SIGLEC1: variants seen among roughly 807,000 people sequenced by gnomAD.
SIGLEC1 encodes sialoadhesin.
A neutral mutation model predicts 148.0 loss-of-function variants in SIGLEC1; 132 were observed. The observed-to-expected ratio is 0.89, with a 90% confidence interval of 0.77 to 1.03. The LOEUF is 1.03. Ranked by LOEUF, SIGLEC1 falls within the 50% of genes least tolerant of loss-of-function variation. The pLI is 0.00. For missense variants in SIGLEC1, 2,253 were observed against 2,271.4 expected, an observed-to-expected ratio of 0.99 and a Z score of 0.16; for synonymous variants, 945 against 969.0, an observed-to-expected ratio of 0.98 and a Z score of 0.46.
At chr20:3,699,007 T>G (rs2087827426) in intron 8 of SIGLEC1, among the ~76,000 whole-genome samples, 195 bp downstream of exon 8, 1 of 152,044 alleles carries the variant, frequency 6.6e-6, no homozygotes, top group Non-Finnish European at 1.5e-5. Flanking sequence ...GGTAAAGACA[T>G]GGGGAGGTAG....
intron 8 of SIGLEC1, 113 bp downstream of exon 8, chr20:3,699,089 C>T (rs75586311): frequency 0.064 from 83,033 of 1,291,126 alleles, 3,114 homozygotes; most frequent in East Asian, 0.12. Flanking sequence ...GTCTGTGACC[C>T]AGCCCTCCCG....
rs868571086 is a variant in SIGLEC1, at chr20:3,689,996, G to A, written c.4860C>T (p.Gly1620=). The part of the protein sequence containing the change: ...EYICSASNVL[G]SASTSTYFGV... ...CAAAGTAGGTGGAGGTAGAGGCAGA[G>A]CCCAGGACATTTGAGGCAGAACAGA... Residue 1620 remains glycine, a synonymous_variant, in exon 19 of 22, where the codon GGC becomes GGT. Transcript: ENST00000344754. 6.2e-7 allele frequency: 1 copy of A among 1,613,114 alleles called. No individual in the cohort carries two copies. The highest frequency in any genetic ancestry group is 8.5e-7 in the Non-Finnish European group (1 of 1,179,844).
chr20:3,689,517 A>G (rs2088733645), intron 20 of SIGLEC1, 83 bp downstream of exon 20: 4 of 956,210 alleles, frequency 4.2e-6, no homozygotes, highest in East Asian at 2.6e-5. Context: ...AGGAGGTCCT[A>G]AAGGACCTGG....
intron 16 of SIGLEC1, 79 bp from the exon 17 acceptor site, chr20:3,692,281 C>A: frequency 7.1e-7 from 1 of 1,406,086 alleles, no homozygotes; most frequent in South Asian, 1.4e-5. Context: ...TGGGGTTGGT[C>A]AGGCTGAGGC....
rs761583302 is a variant in SIGLEC1, at chr20:3,691,396, A to C, written c.4535T>G (p.Leu1512Arg). ...ARAQAGMYHCLAELPTGAAAS... is the reference protein window; with the variant it reads ...ARAQAGMYHCRAELPTGAAAS... ...AGCAGCCCCAGTGGGGAGCTCAGCCAGGCAGTGGTACATCCCAGCTTGAGC... is the reference window on the plus strand; with the variant it reads ...AGCAGCCCCAGTGGGGAGCTCAGCCCGGCAGTGGTACATCCCAGCTTGAGC... Residue 1512 changes from leucine (L) to arginine (R), a missense_variant, in exon 18 of 22, where the codon CTG becomes CGG. Transcript: ENST00000344754. 1 of 1,613,412 alleles carries C rather than the reference A, an allele frequency of 6.2e-7. No individual in the cohort carries two copies. Among genetic ancestry groups the C allele is most frequent in the Admixed American group, 1.7e-5 (1 of 60,028 alleles).
chr20:3,699,244 T>C lies in SIGLEC1; in HGVS notation c.1744A>G (p.Ser582Gly). 1 of 1,610,704 alleles carries C rather than the reference T, an allele frequency of 6.2e-7. No homozygotes were observed. Among genetic ancestry groups the C allele is most frequent in the Non-Finnish European group, 8.5e-7 (1 of 1,179,184 alleles). ...GCTGGCGAAGAGGGGCCACTGGCAC[T>C]GTGGCCGTCCCGGGCCCGGCAGTGG... is the stretch of plus-strand genomic sequence containing the variant. The part of the protein sequence containing the change: ...SYHCRARDGH[S>G]ASGPSSPAVL... The change falls in exon 8 of 22, where the codon AGT becomes GGT. Residue 582 changes from serine to glycine, a missense_variant. By Grantham distance (56) the Ser-to-Gly change is moderately conservative. Coordinates refer to ENST00000344754, the MANE Select transcript of SIGLEC1 (RefSeq NM_023068.4).
In SIGLEC1 at chr20:3,691,547, T is replaced by G. The variant is rs2088762900; in HGVS notation, c.4384A>C (p.Asn1462His). 1 of 1,613,024 alleles carries G rather than the reference T, an allele frequency of 6.2e-7. No individual in the cohort carries two copies. The highest frequency in any genetic ancestry group is 1.1e-5 in the South Asian group (1 of 91,086). Residue 1462 changes from asparagine to histidine, a missense_variant, in exon 18 of 22, where the codon AAC becomes CAC. By Grantham distance (68) the Asn-to-His change is moderately conservative (BLOSUM62 1). Coordinates refer to ENST00000344754, the MANE Select transcript of SIGLEC1 (RefSeq NM_023068.4). ...GLDVPEGAAL[N>H]LSCRLLGGPG... ...CCACCCAGGAGGCGGCAGCTGAGGT[T>G]CAGGGCAGCGCCCTCAGGCACGTCC... is the stretch of plus-strand genomic sequence containing the variant.
chr20:3,701,738 A>G, intron 6 of SIGLEC1, 97 bp from the exon 7 acceptor site: 1 of 1,218,962 alleles, frequency 8.2e-7, no homozygotes, highest in Non-Finnish European at 1.1e-6. Flanking sequence ...TTTGTCCCAC[A>G]CTGCCCTGTG....
intron 6 of SIGLEC1, among the ~76,000 whole-genome samples, chr20:3,702,587 CAAA>C (rs57157833): frequency 1.4e-5 from 2 of 139,206 alleles, no homozygotes; most frequent in East Asian, 2.1e-4. Context: ...GACTCCATCT[CAAA>C]AAAAAAAAAA....
Position 3,688,432 on chromosome 20 carries a change from A to G in SIGLEC1, c.*128T>C. 1 of 831,248 alleles carries G rather than the reference A, an allele frequency of 1.2e-6. No homozygotes were observed. Among genetic ancestry groups the G allele is most frequent in the Non-Finnish European group, 2.0e-6 (1 of 498,592 alleles). The allele number at this position is 831,248 out of a possible 1,614,324, so 51.5% of individuals were successfully genotyped here. On this transcript the variant is annotated 3_prime_UTR_variant, in exon 22 of 22. Transcript: ENST00000344754. ...AGAGGCTTGGGGCCAGGTCATAAAAAGTCAGATGTCACAGAGCTGTTTTCG... is the reference window on the plus strand; with the variant it reads ...AGAGGCTTGGGGCCAGGTCATAAAAGGTCAGATGTCACAGAGCTGTTTTCG...
chr20:3,704,517 C>T (rs891106014), intron 4 of SIGLEC1, among the ~76,000 whole-genome samples: 1 of 152,388 alleles, frequency 6.6e-6, no homozygotes, highest in East Asian at 1.9e-4. Context: ...CAAACTAGCT[C>T]TGAAAATAGT....
In SIGLEC1 at chr20:3,693,664, C is replaced by T; in HGVS notation, c.3291G>A (p.Val1097=). The T allele has an allele frequency of 1.9e-6, 3 of 1,604,914 alleles. No individual in the cohort carries two copies. The highest frequency in any genetic ancestry group is 2.6e-6 in the Non-Finnish European group (3 of 1,175,388). Residue 1097 remains valine, a synonymous_variant, in exon 14 of 22, where the codon GTG becomes GTA. Transcript: ENST00000344754. ...TCAGGTTCACCAGCTGCCCCTCCCGCACGGTAGCCCCGGGCCACACCTGCA... is the reference window on the plus strand; with the variant it reads ...TCAGGTTCACCAGCTGCCCCTCCCGTACGGTAGCCCCGGGCCACACCTGCA... ...VNVQVWPGAT[V]REGQLVNLTC...
At chr20:3,697,393 A>G (rs1267420275) in intron 9 of SIGLEC1, 51 bp from the exon 10 acceptor site, 2 of 1,604,668 alleles carry the variant, frequency 1.2e-6, no homozygotes, top group African/African-American at 2.7e-5. Context: ...CCCAGGAGCC[A>G]GGGGTCCAGC....
In SIGLEC1 at chr20:3,708,220, A is replaced by T. The variant is rs142392355; in HGVS notation, c.-109-983T>A. ...ACACATACCCCACAAATATGAGCTC[A>T]ATGTGTGCGGAGTGTACCATATCCA... On this transcript the variant is annotated intron_variant, in intron 1 of 21. Coordinates refer to ENST00000344754, the MANE Select transcript of SIGLEC1 (RefSeq NM_023068.4). Among the ~76,000 whole-genome samples, 8 of 152,294 alleles carry T rather than the reference A, an allele frequency of 5.3e-5. No individual in the cohort carries two copies. In the East Asian group the frequency reaches 1.5e-3, roughly 29 times the overall value.
At position 3,706,107 on chromosome 20, in the gene SIGLEC1, C is replaced by G. The variant is rs1316427415; in HGVS notation, c.410-67G>C. The G allele has an allele frequency of 3.3e-6, 5 of 1,528,580 alleles. No homozygotes were observed. The African/African-American group carries it at 5.5e-5, about 17-fold the overall frequency. 94.7% of individuals were successfully genotyped at this position (1,528,580 alleles called of 1,614,324 possible). ...CCCCTGAGATCCCTCGCCCTGGAAA[C>G]CCCAGCTGAGGAGAGAGCCCTGGGG... is the stretch of plus-strand genomic sequence containing the variant. On this transcript the variant is annotated intron_variant, in intron 3 of 21. Transcript: ENST00000344754.
intron 4 of SIGLEC1, among the ~76,000 whole-genome samples, chr20:3,705,509 C>T (rs765030636): frequency 6.6e-6 from 1 of 152,102 alleles, no homozygotes; most frequent in Non-Finnish European, 1.5e-5. Context: ...CCTTTCTCTG[C>T]CCAGCCTGGC....
Position 3,692,952 on chromosome 20 carries a change from C to T in SIGLEC1, c.3688G>A (p.Gly1230Arg). The change falls in exon 15 of 22, where the codon GGG becomes AGG. Residue 1230 changes from glycine to arginine, a missense_variant. Gly to Arg is a moderately radical substitution (Grantham distance 125). Coordinates refer to ENST00000344754, the MANE Select transcript of SIGLEC1 (RefSeq NM_023068.4). ...VPNTLRLELRGPQPRDEGFYS... is the reference protein window; with the variant it reads ...VPNTLRLELRRPQPRDEGFYS... ...AAACCCTCATCCCTGGGCTGTGGCC[C>T]TCGCAGCTCCAGGCGCAGGGTGTTG... 6.2e-7 allele frequency: 1 copy of T among 1,612,684 alleles called. No individual in the cohort carries two copies. Among genetic ancestry groups the T allele is most frequent in the East Asian group, 2.2e-5 (1 of 44,880 alleles).
intron 6 of SIGLEC1, among the ~76,000 whole-genome samples, chr20:3,702,830 T>C (rs1225456200): frequency 6.6e-6 from 1 of 152,204 alleles, no homozygotes; most frequent in African/African-American, 2.4e-5. Flanking sequence ...TGCACCTGTA[T>C]ATATGCAAGT....
intron 16 of SIGLEC1, 33 bp downstream of exon 16, chr20:3,692,488 C>T (rs761193359): frequency 8.4e-6 from 13 of 1,553,658 alleles, no homozygotes; most frequent in Non-Finnish European, 1.1e-5. Context: ...CACCCTCCTC[C>T]TGGGCAGCCC....
Sources: gnomAD v4.1 joint callset for allele counts (sites outside exome capture counted in the v4.1 genomes callset) on GRCh38, gnomAD v4.1.1 for gene constraint, MANE v1.5 for transcripts, NCBI Gene and HGNC (gene_info 2026-07-23, HGNC 2026-07-21) for gene names.